Variants in RFX7 observed in about 807,000 individuals in gnomAD.
RFX7 encodes DNA-binding protein RFX7.
Under a neutral mutation model 111.8 loss-of-function variants are expected in RFX7, and 26 were observed. That is an observed-to-expected ratio of 0.23 (90% CI 0.17 to 0.32). The LOEUF (loss-of-function observed/expected upper bound fraction) is 0.32, where lower values mean the gene tolerates loss of function less well. RFX7 is among the 10% of genes least tolerant of loss of function. RFX7 has a pLI of 1.00. For synonymous variants in RFX7, 624 were observed against 624.4 expected (o/e 1.00, Z 0.01); for missense variants, 1,573 against 1,772.9 (o/e 0.89, Z 2.02).
chr15:56,093,108 T>TG lies in RFX7; in HGVS notation c.*236dup. 1 of 442,234 alleles carries TG rather than the reference T, an allele frequency of 2.3e-6. No individual in the cohort carries two copies. The highest frequency in any genetic ancestry group is 4.0e-6 in the Non-Finnish European group (1 of 249,518). 27.4% of individuals were successfully genotyped at this position (442,234 alleles called of 1,614,324 possible). ...TGGATAGTCAATCAATGTGAATAAA[T>TG]GGGGCACATTATAAAATTTAAAACC... is the stretch of plus-strand genomic sequence containing the variant. On this transcript the variant is annotated 3_prime_UTR_variant, in exon 10 of 10. Coordinates refer to ENST00000559447, the MANE Select transcript of RFX7 (RefSeq NM_022841.7).
At position 56,097,362 on chromosome 15, in the gene RFX7, C is replaced by T. The variant is rs559131210; in HGVS notation, c.1107+719G>A. On this transcript the variant is annotated intron_variant, in intron 9 of 9. Coordinates refer to ENST00000559447, the MANE Select transcript of RFX7 (RefSeq NM_022841.7). Reference sequence around the variant, plus strand: ...TTCTAGTCCTGTATCTGATAAGCCACGGATAGGCCTACATTTAAGTAATCA... The same window carrying T: ...TTCTAGTCCTGTATCTGATAAGCCATGGATAGGCCTACATTTAAGTAATCA... 1.2e-3 allele frequency among the ~76,000 whole-genome samples: 180 copies of T among 152,150 alleles called. 1 individual carries two copies. Among genetic ancestry groups the T allele is most frequent in the African/African-American group, 4.1e-3 (170 of 41,504 alleles).
At position 56,094,891 on chromosome 15, in the gene RFX7, T is replaced by C. The variant is rs761226647; in HGVS notation, c.2837A>G (p.His946Arg). ...GGGTGTGGGTGTGGGTGTGGGTGTG[T>C]GGATTGGAGTGCCATTGCTGTGGAT... Reference protein sequence around the residue: ...HPIHSNGTPIHTPTPTPTPTP... With the variant: ...HPIHSNGTPIRTPTPTPTPTP... The change falls in exon 10 of 10, where the codon CAC becomes CGC. Residue 946 changes from histidine (H) to arginine (R), a missense_variant. His to Arg is a conservative substitution (Grantham distance 29). Around this residue, in one of 7 missense-constraint regions of RFX7, gnomAD observed 625 missense variants for 632.2 expected, o/e 0.99. Coordinates refer to ENST00000559447, the MANE Select transcript of RFX7 (RefSeq NM_022841.7). 5 of 1,563,668 alleles carry C rather than the reference T, an allele frequency of 3.2e-6. No individual in the cohort carries two copies. The highest frequency in any genetic ancestry group is 4.3e-6 in the Non-Finnish European group (5 of 1,154,446).
intron 3 of RFX7, among the ~76,000 whole-genome samples, chr15:56,152,134 A>G (rs1434818895): frequency 1.3e-5 from 2 of 151,864 alleles, no homozygotes; most frequent in East Asian, 3.9e-4. Context: ...CACTGTCAAT[A>G]TTAGATAAAT....
intron 3 of RFX7, among the ~76,000 whole-genome samples, chr15:56,148,795 G>A (rs574247861): frequency 6.6e-6 from 1 of 152,170 alleles, no homozygotes; most frequent in African/African-American, 2.4e-5. Flanking sequence ...AAGAATCAAT[G>A]TGTCGGCCGG....
intron 2 of RFX7, among the ~76,000 whole-genome samples, chr15:56,204,305 C>A (rs984596659): frequency 5.3e-5 from 8 of 152,134 alleles, no homozygotes; most frequent in Non-Finnish European, 1.2e-4. Flanking sequence ...GGGCATAAGC[C>A]ACCGAGCCTG....
At chr15:56,132,493 GA>G (rs2042231302) in intron 5 of RFX7, among the ~76,000 whole-genome samples, 1 of 151,548 alleles carries the variant, frequency 6.6e-6, no homozygotes, top group African/African-American at 2.4e-5. Context: ...TAACCATTTA[GA>G]AAAAATTAAA....
At chr15:56,137,371 C>T (rs1860870129) in intron 5 of RFX7, among the ~76,000 whole-genome samples, 1 of 152,122 alleles carries the variant, frequency 6.6e-6, no homozygotes, top group African/African-American at 2.4e-5. Context: ...GGAATTTATC[C>T]ATTTCTTCTA....
intron 5 of RFX7, among the ~76,000 whole-genome samples, chr15:56,108,459 C>G (rs547277055): frequency 7.2e-4 from 109 of 151,948 alleles, no homozygotes; most frequent in African/African-American, 2.6e-3. Flanking sequence ...CCACATGATT[C>G]TCTCAATAAA....
At chr15:56,166,688 T>C (rs1290962077) in intron 3 of RFX7, among the ~76,000 whole-genome samples, 1 of 152,146 alleles carries the variant, frequency 6.6e-6, no homozygotes, top group Admixed American at 6.5e-5. Context: ...GTTGATGACA[T>C]GTAGCAGCTG....
chr15:56,232,182 C>T (rs1026980557), intron 2 of RFX7, among the ~76,000 whole-genome samples: 1 of 152,202 alleles, frequency 6.6e-6, no homozygotes, highest in African/African-American at 2.4e-5. Context: ...AGGCAGTGCC[C>T]CAGTGGGGAC....
chr15:56,203,648 G>A (rs534044452), intron 2 of RFX7, among the ~76,000 whole-genome samples: 26 of 152,216 alleles, frequency 1.7e-4, no homozygotes, highest in African/African-American at 5.3e-4. Flanking sequence ...TAAAGAAGCC[G>A]GCCAAAACCC....
At chr15:56,114,302 T>A (rs2041977496) in intron 5 of RFX7, among the ~76,000 whole-genome samples, 1 of 151,334 alleles carries the variant, frequency 6.6e-6, no homozygotes, top group Non-Finnish European at 1.5e-5. Context: ...TCCCAGTTAC[T>A]TGGGAGGCTG....
At chr15:56,167,467 T>C (rs1275903832) in intron 3 of RFX7, among the ~76,000 whole-genome samples, 5 of 152,188 alleles carry the variant, frequency 3.3e-5, no homozygotes, top group South Asian at 2.1e-4. Context: ...GTGTTGGATA[T>C]ATCAAGGGTA....
chr15:56,241,374 T>C (rs1279112754), intron 2 of RFX7, among the ~76,000 whole-genome samples: 1 of 152,206 alleles, frequency 6.6e-6, no homozygotes, highest in Non-Finnish European at 1.5e-5. Flanking sequence ...ACAACTCACT[T>C]ATTTTAAAAC....
chr15:56,106,599 T>C (rs2041833333), intron 5 of RFX7, among the ~76,000 whole-genome samples: 1 of 152,216 alleles, frequency 6.6e-6, no homozygotes, highest in Admixed American at 6.5e-5. Flanking sequence ...AATGATGGGT[T>C]ACCTCAACAC....
chr15:56,180,774 G>A (rs1159898580), intron 2 of RFX7, among the ~76,000 whole-genome samples: 14 of 143,614 alleles, frequency 9.7e-5, no homozygotes, highest in South Asian at 4.5e-4. Context: ...AAAAAAAGCC[G>A]AGCATGGTGG....
intron 2 of RFX7, 72 bp downstream of exon 2, chr15:56,243,053 G>GCCCCCCCCCCCCC: frequency 1.9e-6 from 1 of 519,406 alleles, no homozygotes; most frequent in Non-Finnish European, 3.3e-6. Flanking sequence ...CCCCCCGCCC[G>GCCCCCCCCCCCCC]CCGCCCCCCA....
intron 5 of RFX7, among the ~76,000 whole-genome samples, chr15:56,116,924 T>C (rs1460911956): frequency 6.6e-6 from 1 of 151,706 alleles, no homozygotes; most frequent in African/African-American, 2.4e-5. Context: ...ATATAGTATA[T>C]TGTATAACAT....
chr15:56,112,247 T>C (rs950169020), intron 5 of RFX7, among the ~76,000 whole-genome samples: 4 of 151,876 alleles, frequency 2.6e-5, no homozygotes, highest in African/African-American at 9.7e-5. Context: ...AACTGTAACA[T>C]AGACTGGCTA....
Sources: allele counts gnomAD v4.1 joint callset (sites outside exome capture counted in the v4.1 genomes callset), GRCh38; gene constraint gnomAD v4.1.1; regional missense constraint gnomAD v4.1.1; transcripts MANE v1.5; gene names NCBI Gene and HGNC (gene_info 2026-07-23, HGNC 2026-07-21).